C19orf38: variants seen among roughly 807,000 people sequenced by gnomAD.
The protein encoded by C19orf38 is chromosome 19 open reading frame 38, also known as protein HIDE1.
Under a neutral mutation model 26.6 loss-of-function variants are expected in C19orf38, and 14 were observed. The observed-to-expected ratio is 0.53, with a 90% CI of 0.35 to 0.82. The LOEUF is 0.82. Among genes scored for constraint, C19orf38 ranks in the 40% least tolerant of loss-of-function variants. The pLI is 0.01. For synonymous variants in C19orf38, 132 were observed against 128.5 expected (o/e 1.03, Z -0.18); for missense variants, 261 against 299.5 (o/e 0.87, Z 0.95).
chr19:10,858,352 A>G lies in C19orf38; in HGVS notation c.461+9A>G. ...AATTTACAGAAGAAAAGGTGAGATC[A>G]TCCCTGGAGACCCACAGAGGGTGGT... is the stretch of plus-strand genomic sequence containing the variant. On this transcript the variant is annotated intron_variant, in intron 4 of 6. Coordinates refer to ENST00000397820, the MANE Select transcript of C19orf38 (RefSeq NM_001136482.3). 1 of 1,547,550 alleles carries G rather than the reference A, an allele frequency of 6.5e-7. No homozygotes were observed.
chr19:10,848,363 G>A, upstream of C19orf38: 1 of 826,076 alleles, frequency 1.2e-6, no homozygotes, highest in Non-Finnish European at 2.0e-6. Flanking sequence ...AAGCCTGTGT[G>A]TGCAACTTCC....
chr19:10,837,189 T>TC (rs763227009), intron 1 of C19orf38, among the ~76,000 whole-genome samples: 10 of 152,194 alleles, frequency 6.6e-5, no homozygotes, highest in Non-Finnish European at 1.5e-4. Context: ...TCACAGGCCC[T>TC]CAGTAAATAA....
chr19:10,861,495 A>G (rs1461690621), intron 5 of C19orf38, among the ~76,000 whole-genome samples: 1 of 152,204 alleles, frequency 6.6e-6, no homozygotes, highest in East Asian at 1.9e-4. Context: ...GTCTGTCCAC[A>G]AGCCCATTCT....
chr19:10,854,427 A>G (rs1436536008), intron 2 of C19orf38, among the ~76,000 whole-genome samples: 1 of 152,222 alleles, frequency 6.6e-6, no homozygotes, highest in African/African-American at 2.4e-5. Context: ...GCCGAGGCCA[A>G]CATGCAGCTA....
chr19:10,862,961 C>T (rs1235714994), intron 5 of C19orf38, among the ~76,000 whole-genome samples: 1 of 152,012 alleles, frequency 6.6e-6, no homozygotes, highest in African/African-American at 2.4e-5. Flanking sequence ...AGAGATACCC[C>T]TAGGAAGACT....
chr19:10,856,797 C>T (rs921387901), intron 3 of C19orf38, among the ~76,000 whole-genome samples: 2 of 150,966 alleles, frequency 1.3e-5, no homozygotes, highest in African/African-American at 2.4e-5. Context: ...AGCCACAGTC[C>T]CCGGCCTAAA....
At chr19:10,854,173 G>A (rs1016740934) in intron 2 of C19orf38, among the ~76,000 whole-genome samples, 1 of 150,072 alleles carries the variant, frequency 6.7e-6, no homozygotes, top group Admixed American at 6.6e-5. Flanking sequence ...AGCGATTCTC[G>A]TGCCTCAGCC....
At chr19:10,866,378 GTA>G (rs2073751786) in intron 6 of C19orf38, among the ~76,000 whole-genome samples, 1 of 58,540 alleles carries the variant, frequency 1.7e-5, no homozygotes, top group South Asian at 4.8e-4. Flanking sequence ...TTTTTTTTTT[GTA>G]TTTTTAGTAG....
chr19:10,868,331 A>T (rs556394214), intron 6 of C19orf38, among the ~76,000 whole-genome samples: 16 of 152,002 alleles, frequency 1.1e-4, no homozygotes, highest in Non-Finnish European at 1.5e-4. Context: ...CTTGGGAGGG[A>T]CAGGACTGTG....
At chr19:10,854,279 G>A (rs998996928) in intron 2 of C19orf38, among the ~76,000 whole-genome samples, 1 of 151,328 alleles carries the variant, frequency 6.6e-6, no homozygotes, top group African/African-American at 2.4e-5. Flanking sequence ...GGCCAGGGTG[G>A]TCTTCAACTC....
chr19:10,847,964 G>A (rs1599658189), upstream of C19orf38, among the ~76,000 whole-genome samples: 1 of 151,956 alleles, frequency 6.6e-6, no homozygotes, highest in African/African-American at 2.4e-5. Flanking sequence ...AGGCTGGGGC[G>A]GGCAGATAAT....
At chr19:10,842,212 A>C (rs1306852644) in intron 1 of C19orf38, 3 of 1,358,612 alleles carry the variant, frequency 2.2e-6, no homozygotes, top group Non-Finnish European at 3.2e-6. Context: ...GAAAACTTTC[A>C]GTGATGACTA....
upstream of C19orf38, among the ~76,000 whole-genome samples, chr19:10,846,522 G>T (rs1371783518): frequency 1.3e-5 from 2 of 151,898 alleles, no homozygotes; most frequent in Non-Finnish European, 1.5e-5. Flanking sequence ...AAAAAGAAAA[G>T]AATAAAGTCA....
At chr19:10,838,814 C>T (rs895610247) in intron 1 of C19orf38, among the ~76,000 whole-genome samples, 4 of 152,100 alleles carry the variant, frequency 2.6e-5, no homozygotes, top group Admixed American at 6.5e-5. Flanking sequence ...AACAGGTGTG[C>T]CATTTGCATA....
rs900401941 is a variant in C19orf38, at chr19:10,863,306, G to A, written c.543+99G>A. 12 of 1,330,534 alleles carry A rather than the reference G, an allele frequency of 9.0e-6. No individual in the cohort carries two copies. In the African/African-American group the frequency reaches 1.8e-4, roughly 20 times the overall value. The allele number at this position is 1,330,534 out of a possible 1,614,324, so 82.4% of individuals were successfully genotyped here. ...CACCACGAGGCTAAGTTGACCTGCT[G>A]TCTCTAAGCTGCGGGGGGGCTAGGA... On this transcript the variant is annotated intron_variant, in intron 6 of 6. Transcript: ENST00000397820.
intron 2 of C19orf38, among the ~76,000 whole-genome samples, chr19:10,854,681 TC>T (rs146094352): frequency 0.012 from 1,876 of 152,192 alleles, 35 homozygotes; most frequent in African/African-American, 0.043. Context: ...GGAAGCGAAG[TC>T]TTGTGCTGAG....
chr19:10,858,419 A>AG, intron 4 of C19orf38, 76 bp downstream of exon 4: 2 of 1,359,042 alleles, frequency 1.5e-6, no homozygotes, highest in Non-Finnish European at 2.0e-6. Context: ...TGGGCACTCC[A>AG]TGCCCCCCAC....
Position 10,856,446 on chromosome 19 carries a change from T to G in C19orf38, c.433+89T>G, listed in dbSNP as rs781021816. ...GCTTACACTCACAACTCACACCATT[T>G]TGTTTTCAGGTTCAGTAATTTGTTC... On this transcript the variant is annotated intron_variant, in intron 3 of 6. Coordinates refer to ENST00000397820, the MANE Select transcript of C19orf38 (RefSeq NM_001136482.3). 59 of 1,041,030 alleles carry G rather than the reference T, an allele frequency of 5.7e-5. 1 individual carries two copies. Among genetic ancestry groups the G allele is most frequent in the Non-Finnish European group, 6.8e-5 (48 of 701,720 alleles). 64.5% of individuals were successfully genotyped at this position (1,041,030 alleles called of 1,614,324 possible). A position where few individuals can be genotyped will look rare whatever the true frequency, so the allele number is the denominator to read the frequency against.
chr19:10,851,211 G>C (rs1331512497), intron 2 of C19orf38, among the ~76,000 whole-genome samples: 1 of 152,048 alleles, frequency 6.6e-6, no homozygotes, highest in African/African-American at 2.4e-5. Flanking sequence ...GTGCCACCAT[G>C]CCCGGCTAAT....
Sources: gnomAD v4.1 joint callset for allele counts (sites outside exome capture counted in the v4.1 genomes callset) on GRCh38, gnomAD v4.1.1 for gene constraint, MANE v1.5 for transcripts, NCBI Gene and HGNC (gene_info 2026-07-23, HGNC 2026-07-21) for gene names.